Variants in KATNIP observed in about 807,000 individuals in gnomAD.
KATNIP encodes the protein katanin-interacting protein.
In KATNIP, 126 loss-of-function variants were observed where a neutral mutation model predicts 174.0. The observed-to-expected ratio is 0.72, with a 90% CI of 0.63 to 0.84. The LOEUF (loss-of-function observed/expected upper bound fraction) is 0.84. Ranked by LOEUF, KATNIP falls within the 40% of genes least tolerant of loss-of-function variation. The pLI is 0.00. For synonymous variants in KATNIP, 810 were observed against 835.7 expected (o/e 0.97, Z 0.53); for missense variants, 1,958 against 2,109.7 (o/e 0.93, Z 1.41).
rs371323719 is a variant in KATNIP, at chr16:27,628,740, A to G, written c.220A>G (p.Asn74Asp). The change falls in exon 4 of 28, where the codon AAC (asparagine) becomes GAC (aspartate). Residue 74 changes from asparagine to aspartate, a missense_variant. Coordinates refer to ENST00000261588, the MANE Select transcript of KATNIP (RefSeq NM_015202.5). ...HLEQGFSVYV[N>D]GANSELKSSP... ...GGAGCAAGGTTTCTCTGTCTATGTC[A>G]ACGGTGCCAATTCGGAGCTGAAATC... The G allele has an allele frequency of 1.2e-6, 2 of 1,614,188 alleles. No homozygotes were observed. Among genetic ancestry groups the G allele is most frequent in the Non-Finnish European group, 1.7e-6 (2 of 1,180,028 alleles).
At chr16:27,775,728 GT>G (rs1243592301) in intron 24 of KATNIP, among the ~76,000 whole-genome samples, 2 of 152,244 alleles carry the variant, frequency 1.3e-5, no homozygotes, top group Non-Finnish European at 2.9e-5. Flanking sequence ...CCAGGGCCAG[GT>G]GCCTGGTAGA....
chr16:27,752,559 T>A (rs1202408627), intron 17 of KATNIP, among the ~76,000 whole-genome samples: 1 of 152,218 alleles, frequency 6.6e-6, no homozygotes, highest in Non-Finnish European at 1.5e-5. Flanking sequence ...ATTATTTTTT[T>A]ATTTTGTTTA....
At chr16:27,592,492 C>T (rs910238038) in intron 2 of KATNIP, among the ~76,000 whole-genome samples, 16 of 151,832 alleles carry the variant, frequency 1.1e-4, no homozygotes, top group Admixed American at 1.1e-3. Flanking sequence ...GTGGTACGCA[C>T]CTGTAGTCCC....
intron 2 of KATNIP, among the ~76,000 whole-genome samples, chr16:27,605,200 T>A (rs983742411): frequency 6.6e-6 from 1 of 152,220 alleles, no homozygotes; most frequent in Non-Finnish European, 1.5e-5. Flanking sequence ...CCCAAAGTGC[T>A]GGGATTACAG....
At chr16:27,681,185 T>G in intron 7 of KATNIP, 1 of 577,364 alleles carries the variant, frequency 1.7e-6, no homozygotes, top group South Asian at 1.9e-5. Context: ...GAATCTTTTA[T>G]GTACTTACCA....
At chr16:27,691,043 T>C (rs2078713877) in intron 8 of KATNIP, among the ~76,000 whole-genome samples, 1 of 152,208 alleles carries the variant, frequency 6.6e-6, no homozygotes, top group South Asian at 2.1e-4. Flanking sequence ...GCTGCCGGTT[T>C]ATGATTGCTA....
intron 3 of KATNIP, among the ~76,000 whole-genome samples, chr16:27,626,454 A>G (rs1202419379): frequency 5.3e-5 from 8 of 152,316 alleles, no homozygotes; most frequent in South Asian, 4.1e-4. Flanking sequence ...AGAAGGTTCT[A>G]TGAATTACCA....
chr16:27,713,854 A>ATATATATATC (rs1555482296), intron 13 of KATNIP, among the ~76,000 whole-genome samples: 9 of 69,310 alleles, frequency 1.3e-4, no homozygotes, highest in Admixed American at 1.8e-4. Context: ...ATATATATAT[A>ATATATATATC]TATCTATCTC....
chr16:27,586,851 A>G (rs1175868841), intron 2 of KATNIP, among the ~76,000 whole-genome samples: 2 of 151,384 alleles, frequency 1.3e-5, no homozygotes, highest in Non-Finnish European at 2.9e-5. Context: ...ACAAAAAAAC[A>G]AAAAACAGAA....
At chr16:27,729,954 G>T (rs2143222199) in intron 14 of KATNIP, among the ~76,000 whole-genome samples, 1 of 152,320 alleles carries the variant, frequency 6.6e-6, no homozygotes, top group Admixed American at 6.5e-5. Context: ...CATGGGCTCA[G>T]CCCCTCCTCT....
intron 14 of KATNIP, among the ~76,000 whole-genome samples, chr16:27,733,759 T>C (rs1407014880): frequency 6.6e-6 from 1 of 152,052 alleles, no homozygotes; most frequent in African/African-American, 2.4e-5. Context: ...GGCTGGTTCT[T>C]GAGGAGAGAA....
chr16:27,713,896 T>G (rs1192187140), intron 13 of KATNIP, among the ~76,000 whole-genome samples: 1 of 134,676 alleles, frequency 7.4e-6, no homozygotes, highest in Non-Finnish European at 1.6e-5. Context: ...TGAAACATGT[T>G]CACTGTGACT....
chr16:27,677,789 A>G lies in KATNIP; in HGVS notation c.601A>G (p.Ser201Gly). 6.2e-7 allele frequency: 1 copy of G among 1,614,196 alleles called. No homozygotes were observed. The highest frequency in any genetic ancestry group is 8.5e-7 in the Non-Finnish European group (1 of 1,180,000). The part of the protein sequence containing the change: ...NLQRKQKDCS[S>G]DEYDSIEEDI... ...ACAAAGGAAACAAAAGGATTGTTCC[A>G]GCGATGAGTATGACTCTATTGAGGA... is the stretch of plus-strand genomic sequence containing the variant. The change falls in exon 7 of 28, where the codon AGC (serine) becomes GGC (glycine). Residue 201 changes from serine (S) to glycine (G), a missense_variant. Ser to Gly is a moderately conservative substitution (Grantham distance 56, BLOSUM62 0). This residue lies in a region of KATNIP where 1,557 missense variants were observed against 1,617.8 expected (regional missense o/e 0.96). Coordinates refer to ENST00000261588, the MANE Select transcript of KATNIP (RefSeq NM_015202.5).
At chr16:27,560,039 T>G (rs2141584806) in intron 1 of KATNIP, among the ~76,000 whole-genome samples, 1 of 150,982 alleles carries the variant, frequency 6.6e-6, no homozygotes, top group East Asian at 2.0e-4. Context: ...ATCCCAACAC[T>G]TTGGGAGACT....
At chr16:27,627,281 C>G (rs2076361789) in intron 3 of KATNIP, among the ~76,000 whole-genome samples, 1 of 152,192 alleles carries the variant, frequency 6.6e-6, no homozygotes, top group African/African-American at 2.4e-5. Flanking sequence ...TTTGTGCTTT[C>G]TGCTGGTGAT....
intron 2 of KATNIP, among the ~76,000 whole-genome samples, chr16:27,610,780 A>G (rs1305031251): frequency 6.6e-6 from 1 of 152,198 alleles, no homozygotes; most frequent in Non-Finnish European, 1.5e-5. Context: ...GGAACTGCTT[A>G]AAGCAAACCT....
At chr16:27,680,275 C>A (rs374091815) in intron 7 of KATNIP, among the ~76,000 whole-genome samples, 67 of 152,262 alleles carry the variant, frequency 4.4e-4, no homozygotes, top group African/African-American at 1.6e-3. Context: ...GTGGTCAGGG[C>A]AGTGTTAATA....
chr16:27,730,419 C>T (rs2080625440), intron 14 of KATNIP, among the ~76,000 whole-genome samples: 1 of 152,104 alleles, frequency 6.6e-6, no homozygotes, highest in Non-Finnish European at 1.5e-5. Flanking sequence ...CACTCCATTG[C>T]CTGTCTCATT....
intron 1 of KATNIP, among the ~76,000 whole-genome samples, chr16:27,558,308 G>C (rs1394108108): frequency 6.6e-6 from 1 of 152,088 alleles, no homozygotes; most frequent in Non-Finnish European, 1.5e-5. Context: ...ACCACACCTG[G>C]CTAATTTTTG....
Sources: allele counts gnomAD v4.1 joint callset (sites outside exome capture counted in the v4.1 genomes callset), GRCh38; gene constraint gnomAD v4.1.1; regional missense constraint gnomAD v4.1.1; transcripts MANE v1.5; gene names NCBI Gene and HGNC (gene_info 2026-07-23, HGNC 2026-07-21).